Variants in SIRT2 observed in about 807,000 individuals in gnomAD.
The protein encoded by SIRT2 is sirtuin 2, also known as NAD-dependent protein deacetylase sirtuin-2.
In SIRT2, 40 loss-of-function variants were observed where a neutral mutation model predicts 57.4. That is an observed-to-expected ratio of 0.70 (90% confidence interval 0.54 to 0.91). SIRT2 has a LOEUF of 0.91. Among genes scored for constraint, SIRT2 ranks in the 40% least tolerant of loss-of-function variants. The pLI, the probability that SIRT2 is intolerant of heterozygous loss-of-function variation, is 0.00. For missense variants in SIRT2, 439 were observed against 510.4 expected (o/e 0.86, Z 1.35); for synonymous variants, 161 against 195.7 (o/e 0.82, Z 1.48).
At chr19:38,888,850 G>A (rs1973425301) in intron 8 of SIRT2, among the ~76,000 whole-genome samples, 1 of 151,948 alleles carries the variant, frequency 6.6e-6, no homozygotes, top group South Asian at 2.1e-4. Flanking sequence ...AGACCTGAGA[G>A]GGCAGACCTG....
Position 38,879,296 on chromosome 19 carries a change from G to T in SIRT2, c.1029C>A (p.Asp343Glu). 11 of 1,613,366 alleles carry T rather than the reference G, an allele frequency of 6.8e-6. No individual in the cohort carries two copies. Among genetic ancestry groups the T allele is most frequent in the Non-Finnish European group, 9.3e-6 (11 of 1,179,888 alleles). The change falls in exon 16 of 16, where the codon GAC (aspartate) becomes GAA (glutamate). Residue 343 changes from aspartate (D) to glutamate (E), a missense_variant. Asp to Glu is a conservative substitution (Grantham distance 45). Transcript: ENST00000249396. ...TGCTGGCGTGCTCCCTCCGGACAAG[G>T]TCCTCCAGCTCCTTCTGCAGGAGCA... ...ELLGWKKELE[D>E]LVRREHASID...
At chr19:38,888,832 C>T (rs958649264) in intron 8 of SIRT2, among the ~76,000 whole-genome samples, 54 of 152,340 alleles carry the variant, frequency 3.5e-4, no homozygotes, top group African/African-American at 1.2e-3. Flanking sequence ...TCACTGCCAC[C>T]GCACTGCAGA....
Position 38,889,947 on chromosome 19 carries a change from C to A in SIRT2, c.283G>T (p.Asp95Tyr). Reference protein sequence around the residue: ...AGISTSAGIPDFRSPSTGLYD... With the variant: ...AGISTSAGIPYFRSPSTGLYD... ...AGGCCGGTGGATGGAGAGCGAAAGT[C>A]GGGGATGCCTGCGGCTAGGAAAGGG... The change falls in exon 6 of 16, where the codon GAC (aspartate) becomes TAC (tyrosine). Residue 95 changes from aspartate (D) to tyrosine (Y), a missense_variant. Physicochemically the swap from Asp to Tyr is radical, Grantham distance 160. Transcript: ENST00000249396. The A allele has an allele frequency of 6.2e-7, 1 of 1,614,080 alleles. No homozygotes were observed. Among genetic ancestry groups the A allele is most frequent in the East Asian group, 2.2e-5 (1 of 44,860 alleles).
Position 38,899,560 on chromosome 19 carries a change from C to T in SIRT2, c.-39G>A, listed in dbSNP as rs777079237. ...AAGCCCTTGAGGCTGTCACCGACCG[C>T]TCTGTCCCGTCACCAACCACTGTGT... On this transcript the variant is annotated 5_prime_UTR_variant, in exon 1 of 16. Transcript: ENST00000249396. The T allele has an allele frequency of 3.7e-6, 6 of 1,613,788 alleles. No individual in the cohort carries two copies. The Admixed American group carries it at 6.7e-5, about 18-fold the overall frequency.
At chr19:38,896,782 C>T (rs973394259) in intron 2 of SIRT2, among the ~76,000 whole-genome samples, 1 of 152,200 alleles carries the variant, frequency 6.6e-6, no homozygotes, top group South Asian at 2.1e-4. Flanking sequence ...AGCAAAGCTC[C>T]ACTGTGCATT....
At position 38,898,733 on chromosome 19, in the gene SIRT2, C is replaced by T. The variant is rs572045114; in HGVS notation, c.17-308G>A. On this transcript the variant is annotated intron_variant, in intron 1 of 15. Coordinates refer to ENST00000249396, the MANE Select transcript of SIRT2 (RefSeq NM_012237.4). ...CTCCTGGGCTCAAGCGATCCAACCA[C>T]CTTGGCCTCCCAAAGTACTGGGATT... is the stretch of plus-strand genomic sequence containing the variant. 3.5e-4 allele frequency: 106 copies of T among 299,148 alleles called. 2 individuals are homozygous for T. The highest frequency in any genetic ancestry group is 1.8e-3 in the Middle Eastern group (2 of 1,082). 18.5% of individuals were successfully genotyped at this position (299,148 alleles called of 1,614,324 possible).
Position 38,890,105 on chromosome 19 carries a change from G to A in SIRT2, c.266C>T (p.Thr89Ile). 6.2e-7 allele frequency: 1 copy of A among 1,614,216 alleles called. No homozygotes were observed. Among genetic ancestry groups the A allele is most frequent in the South Asian group, 1.1e-5 (1 of 91,084 alleles). ...VICLVGAGIS[T>I]SAGIPDFRSP... ...GCTGGGGGAGAAGGGTTACTTACATGTGGAGATTCCAGCTCCCACCAAACA... is the reference window on the plus strand; with the variant it reads ...GCTGGGGGAGAAGGGTTACTTACATATGGAGATTCCAGCTCCCACCAAACA... Residue 89 changes from threonine to isoleucine, a missense_variant and splice_region_variant, in exon 5 of 16, where the codon ACA (threonine) becomes ATA (isoleucine). By Grantham distance (89) the Thr-to-Ile change is moderately conservative. Transcript: ENST00000249396.
chr19:38,894,121 G>A (rs2144699601), intron 2 of SIRT2: 1 of 627,428 alleles, frequency 1.6e-6, no homozygotes, highest in East Asian at 3.3e-5. Flanking sequence ...TTTTGAGACA[G>A]TGTCTCGCTC....
At chr19:38,896,466 G>A (rs746934908) in intron 2 of SIRT2, among the ~76,000 whole-genome samples, 6 of 152,098 alleles carry the variant, frequency 3.9e-5, no homozygotes, top group Admixed American at 6.5e-5. Flanking sequence ...TGATCCCCCT[G>A]CCTCCCAAAG....
At chr19:38,896,919 T>A (rs904744182) in intron 2 of SIRT2, among the ~76,000 whole-genome samples, 11 of 152,194 alleles carry the variant, frequency 7.2e-5, no homozygotes, top group African/African-American at 2.7e-4. Context: ...GTGCCCAGCA[T>A]GTGTCTGCAG....
At chr19:38,896,509 G>A (rs973915170) in intron 2 of SIRT2, among the ~76,000 whole-genome samples, 2 of 152,028 alleles carry the variant, frequency 1.3e-5, no homozygotes, top group Non-Finnish European at 2.9e-5. Flanking sequence ...CACCGTGCCC[G>A]GCCTCACCTC....
chr19:38,889,037 T>C, intron 8 of SIRT2, 50 bp downstream of exon 8: 1 of 1,552,696 alleles, frequency 6.4e-7, no homozygotes, highest in South Asian at 1.1e-5. Context: ...GAGGACACCA[T>C]GCCCGTTCCA....
chr19:38,878,983 C>G lies in SIRT2; in HGVS notation c.*172G>C. The G allele has an allele frequency of 1.6e-6, 1 of 614,706 alleles. No homozygotes were observed. The allele number at this position is 614,706 out of a possible 1,614,324, so 38.1% of individuals were successfully genotyped here. On this transcript the variant is annotated 3_prime_UTR_variant, in exon 16 of 16. Transcript: ENST00000249396. Reference sequence around the variant, plus strand: ...GCCTCTAGGAGGTGTTAGAGATTTGCTGGGGTTGGGGGCCAGGGTTGCTGG... The same window carrying G: ...GCCTCTAGGAGGTGTTAGAGATTTGGTGGGGTTGGGGGCCAGGGTTGCTGG...
rs376266663 is a variant in SIRT2 at position 38,899,495 on chromosome 19, C to A, written c.16+11G>T. Reference sequence around the variant, plus strand: ...CGCGGCCCGACCCTCCTACCCGGATCCCCGACTCACGGTCTGGCTCTGCCA... The same window carrying A: ...CGCGGCCCGACCCTCCTACCCGGATACCCGACTCACGGTCTGGCTCTGCCA... On this transcript the variant is annotated intron_variant, in intron 1 of 15. Coordinates refer to ENST00000249396, the MANE Select transcript of SIRT2 (RefSeq NM_012237.4). 1 of 1,613,378 alleles carries A rather than the reference C, an allele frequency of 6.2e-7. No homozygotes were observed. Among genetic ancestry groups the A allele is most frequent in the Non-Finnish European group, 8.5e-7 (1 of 1,179,888 alleles).
intron 4 of SIRT2, among the ~76,000 whole-genome samples, 184 bp from the exon 5 acceptor site, chr19:38,890,328 GA>G (rs113208631): frequency 0.013 from 1,949 of 152,296 alleles, 53 homozygotes; most frequent in African/African-American, 0.043. Flanking sequence ...TTATAAATGA[GA>G]AAACTGGGGC....
intron 8 of SIRT2, among the ~76,000 whole-genome samples, chr19:38,884,785 C>T (rs189632011): frequency 3.3e-5 from 5 of 152,172 alleles, no homozygotes; most frequent in South Asian, 4.2e-4. Flanking sequence ...CTCACTCTGT[C>T]GCCCAGGCTA....
intron 4 of SIRT2, among the ~76,000 whole-genome samples, chr19:38,893,037 A>T (rs1347696290): frequency 7.9e-5 from 12 of 152,028 alleles, no homozygotes; most frequent in Admixed American, 7.9e-4. Context: ...GGGGGCAGGC[A>T]TTTGACTCAA....
chr19:38,894,232 G>A (rs1365212815), intron 2 of SIRT2: 1 of 270,172 alleles, frequency 3.7e-6, no homozygotes, highest in African/African-American at 2.3e-5. Context: ...AAGTAGCTGG[G>A]ACCACAGGCA....
chr19:38,887,880 C>T (rs1038881649), intron 8 of SIRT2, among the ~76,000 whole-genome samples: 3 of 152,104 alleles, frequency 2.0e-5, no homozygotes, highest in Non-Finnish European at 4.4e-5. Flanking sequence ...CTGCCTCAGC[C>T]TCCCGAGTAG....
Sources: gnomAD v4.1 joint callset for allele counts (sites outside exome capture counted in the v4.1 genomes callset) on GRCh38, gnomAD v4.1.1 for gene constraint, MANE v1.5 for transcripts, NCBI Gene and HGNC (gene_info 2026-07-23, HGNC 2026-07-21) for gene names.